The following PPP1R16B variants were observed in gnomAD, a reference collection of about 807,000 sequenced individuals.
The protein encoded by PPP1R16B is protein phosphatase 1 regulatory subunit 16B.
In PPP1R16B, 14 loss-of-function variants were observed where a neutral mutation model predicts 61.7. That is an observed-to-expected ratio of 0.23 (90% CI 0.15 to 0.35). PPP1R16B has a LOEUF of 0.35. Among genes scored for constraint, PPP1R16B ranks in the 10% least tolerant of loss-of-function variants. The pLI is 1.00. For missense variants in PPP1R16B, 547 were observed against 752.5 expected (o/e 0.73, Z 3.19); for synonymous variants, 266 against 305.3 (o/e 0.87, Z 1.34).
intron 2 of PPP1R16B, among the ~76,000 whole-genome samples, chr20:38,853,062 G>C (rs62202524): frequency 0.034 from 5,183 of 152,084 alleles, 108 homozygotes; most frequent in Non-Finnish European, 0.05. Flanking sequence ...ATGACCCATT[G>C]CGCCCGGCCC....
intron 2 of PPP1R16B, among the ~76,000 whole-genome samples, chr20:38,870,707 A>C (rs2085122970): frequency 1.3e-5 from 2 of 152,162 alleles, no homozygotes; most frequent in Non-Finnish European, 2.9e-5. Flanking sequence ...AGGGGCCACA[A>C]CTTTGTCTTA....
chr20:38,844,078 T>C (rs2084923725), intron 2 of PPP1R16B, among the ~76,000 whole-genome samples: 1 of 152,248 alleles, frequency 6.6e-6, no homozygotes, highest in Non-Finnish European at 1.5e-5. Flanking sequence ...AATCCATTGG[T>C]CTGTCTGGCA....
At chr20:38,866,835 G>A (rs904130052) in intron 2 of PPP1R16B, among the ~76,000 whole-genome samples, 5 of 152,258 alleles carry the variant, frequency 3.3e-5, no homozygotes, top group Admixed American at 6.5e-5. Flanking sequence ...CCTTCACAAA[G>A]CTGTACAGTC....
At chr20:38,898,870 G>A (rs185918296) in intron 4 of PPP1R16B, among the ~76,000 whole-genome samples, 3 of 151,168 alleles carry the variant, frequency 2.0e-5, no homozygotes, top group African/African-American at 4.9e-5. Flanking sequence ...TAAAAGTAAT[G>A]GCAAGAACCA....
At chr20:38,901,598 CAG>C (rs1055858420) in intron 5 of PPP1R16B, among the ~76,000 whole-genome samples, 1 of 152,092 alleles carries the variant, frequency 6.6e-6, no homozygotes, top group Non-Finnish European at 1.5e-5. Flanking sequence ...TTAGTAGAGA[CAG>C]GATTTCACCA....
At chr20:38,845,385 T>C (rs1427893509) in intron 2 of PPP1R16B, among the ~76,000 whole-genome samples, 1 of 152,150 alleles carries the variant, frequency 6.6e-6, no homozygotes, top group Non-Finnish European at 1.5e-5. Flanking sequence ...AGTTCAAGAC[T>C]GCAATGAGCT....
At chr20:38,888,134 C>G (rs2085260305) in intron 2 of PPP1R16B, among the ~76,000 whole-genome samples, 2 of 152,256 alleles carry the variant, frequency 1.3e-5, no homozygotes, top group South Asian at 4.1e-4. Context: ...TCAGCCCTGC[C>G]CTATGGCATG....
At chr20:38,885,036 C>CAAAAAAAA (rs71330453) in intron 2 of PPP1R16B, among the ~76,000 whole-genome samples, 4 of 67,810 alleles carry the variant, frequency 5.9e-5, no homozygotes, top group Admixed American at 1.9e-4. Context: ...AACTCTGTCT[C>CAAAAAAAA]AAAAAAAAAA....
chr20:38,817,877 C>A (rs192873593), intron 1 of PPP1R16B, among the ~76,000 whole-genome samples: 5 of 152,116 alleles, frequency 3.3e-5, no homozygotes, highest in African/African-American at 1.2e-4. Flanking sequence ...ACCCCGTCTC[C>A]ACTAAAAATA....
intron 3 of PPP1R16B, among the ~76,000 whole-genome samples, chr20:38,893,081 C>A (rs907733225): frequency 7.2e-5 from 11 of 152,250 alleles, no homozygotes; most frequent in Middle Eastern, 3.4e-3. Flanking sequence ...TAAAAGGGGC[C>A]ATTTCCCCGT....
At chr20:38,807,395 C>T (rs1466796780) in intron 1 of PPP1R16B, among the ~76,000 whole-genome samples, 1 of 152,182 alleles carries the variant, frequency 6.6e-6, no homozygotes, top group Non-Finnish European at 1.5e-5. Flanking sequence ...GATGAACACT[C>T]CTTGGCCAAT....
intron 2 of PPP1R16B, among the ~76,000 whole-genome samples, chr20:38,858,837 A>G (rs745524030): frequency 6.6e-6 from 1 of 152,124 alleles, no homozygotes; most frequent in Non-Finnish European, 1.5e-5. Flanking sequence ...ATTATCTCAC[A>G]TGGGTCAGGG....
chr20:38,912,582 G>C (rs2085501341), intron 10 of PPP1R16B, among the ~76,000 whole-genome samples: 1 of 151,728 alleles, frequency 6.6e-6, no homozygotes, highest in Non-Finnish European at 1.5e-5. Flanking sequence ...GGCTGAGGCA[G>C]GAGGATTGCT....
At chr20:38,852,344 C>A (rs2084974515) in intron 2 of PPP1R16B, among the ~76,000 whole-genome samples, 1 of 152,238 alleles carries the variant, frequency 6.6e-6, no homozygotes, top group Non-Finnish European at 1.5e-5. Context: ...AACTGAATTT[C>A]AGACATGCAA....
intron 4 of PPP1R16B, among the ~76,000 whole-genome samples, chr20:38,898,671 G>A (rs2085367662): frequency 6.6e-6 from 1 of 152,192 alleles, no homozygotes; most frequent in South Asian, 2.1e-4. Flanking sequence ...TTAGCTGGGC[G>A]TGGTGGTGCA....
chr20:38,858,038 T>C (rs1372654441), intron 2 of PPP1R16B, among the ~76,000 whole-genome samples: 2 of 152,136 alleles, frequency 1.3e-5, no homozygotes, highest in Non-Finnish European at 2.9e-5. Flanking sequence ...TCTTCCTGGC[T>C]TTCCACCTCC....
intron 6 of PPP1R16B, among the ~76,000 whole-genome samples, chr20:38,905,034 G>A (rs576149254): frequency 7.6e-4 from 116 of 152,324 alleles, no homozygotes; most frequent in African/African-American, 2.6e-3. Flanking sequence ...GACAACTGAG[G>A]TCTGCCAGGC....
intron 2 of PPP1R16B, among the ~76,000 whole-genome samples, chr20:38,859,488 T>C (rs369320071): frequency 3.3e-5 from 5 of 152,218 alleles, no homozygotes; most frequent in African/African-American, 1.2e-4. Flanking sequence ...AAGCCACATA[T>C]GTAACTGTAT....
chr20:38,857,131 C>G (rs1484876396), intron 2 of PPP1R16B, among the ~76,000 whole-genome samples: 2 of 152,244 alleles, frequency 1.3e-5, no homozygotes, highest in Non-Finnish European at 2.9e-5. Flanking sequence ...GCACCCACCA[C>G]TGGCAATCAG....
Sources: allele counts gnomAD v4.1 joint callset (sites outside exome capture counted in the v4.1 genomes callset), GRCh38; gene constraint gnomAD v4.1.1; transcripts MANE v1.5; gene names NCBI Gene and HGNC (gene_info 2026-07-23, HGNC 2026-07-21).